The following DSCAM variants were observed in gnomAD, a reference collection of about 807,000 sequenced individuals.
DSCAM encodes the protein DS cell adhesion molecule.
A neutral mutation model predicts 217.7 loss-of-function variants in DSCAM; 47 were observed. That is an observed-to-expected ratio of 0.22 (90% confidence interval 0.17 to 0.28). The LOEUF is 0.28. Ranked by LOEUF, DSCAM falls within the 10% of genes least tolerant of loss-of-function variation. The pLI is 1.00. For missense variants in DSCAM, 2,080 were observed against 2,618.3 expected (o/e 0.79, Z 4.49); for synonymous variants, 1,056 against 1,015.3 (o/e 1.04, Z -0.76).
chr21:40,390,309 C>T (rs947603523), intron 3 of DSCAM, among the ~76,000 whole-genome samples: 2 of 152,182 alleles, frequency 1.3e-5, no homozygotes, highest in African/African-American at 4.8e-5. Context: ...TGTTAGACAG[C>T]AACCATTTTA....
chr21:40,663,701 G>T (rs751241292), intron 3 of DSCAM, among the ~76,000 whole-genome samples: 1 of 152,094 alleles, frequency 6.6e-6, no homozygotes, highest in East Asian at 1.9e-4. Context: ...TGTGTGCAAC[G>T]TGCCATGCTA....
chr21:40,274,848 A>G (rs185917042), intron 11 of DSCAM, among the ~76,000 whole-genome samples: 227 of 152,314 alleles, frequency 1.5e-3, no homozygotes, highest in Non-Finnish European at 2.7e-3. Context: ...GAAATAGTGG[A>G]CTAACTAAAA....
intron 15 of DSCAM, among the ~76,000 whole-genome samples, chr21:40,178,407 T>C (rs1345014362): frequency 2.6e-5 from 4 of 152,218 alleles, no homozygotes; most frequent in Non-Finnish European, 5.9e-5. Context: ...CTAAATATAA[T>C]GTTGTTTGTA....
At chr21:40,108,579 C>T (rs926613841) in intron 20 of DSCAM, among the ~76,000 whole-genome samples, 7 of 152,086 alleles carry the variant, frequency 4.6e-5, no homozygotes, top group Non-Finnish European at 5.9e-5. Flanking sequence ...ATACTACCCA[C>T]GCAACTTATA....
intron 10 of DSCAM, among the ~76,000 whole-genome samples, chr21:40,282,316 G>A (rs557121100): frequency 9.2e-5 from 14 of 152,074 alleles, no homozygotes; most frequent in African/African-American, 2.4e-4. Context: ...GGCCGGGCGC[G>A]GTGGCTCACG....
intron 4 of DSCAM, among the ~76,000 whole-genome samples, chr21:40,356,049 A>G (rs2074689070): frequency 1.3e-5 from 2 of 152,184 alleles, no homozygotes; most frequent in African/African-American, 4.8e-5. Flanking sequence ...ATGTATATCA[A>G]CACTTAAGTT....
At chr21:40,017,342 C>T (rs997668462) in intron 32 of DSCAM, among the ~76,000 whole-genome samples, 3 of 152,140 alleles carry the variant, frequency 2.0e-5, no homozygotes, top group African/African-American at 7.2e-5. Flanking sequence ...TGATTCAAAA[C>T]TCCATTTAGC....
At chr21:40,223,544 AC>A (rs1457442126) in intron 11 of DSCAM, among the ~76,000 whole-genome samples, 1 of 105,216 alleles carries the variant, frequency 9.5e-6, no homozygotes, top group Non-Finnish European at 1.9e-5. Context: ...AATCTAAGTT[AC>A]CTTTTTTTTC....
intron 3 of DSCAM, among the ~76,000 whole-genome samples, chr21:40,590,510 G>A (rs2076976508): frequency 6.6e-6 from 1 of 152,196 alleles, no homozygotes; most frequent in Non-Finnish European, 1.5e-5. Context: ...AAACAGCTCT[G>A]ACTTAATGGT....
At chr21:40,560,713 C>A (rs2076713840) in intron 3 of DSCAM, among the ~76,000 whole-genome samples, 1 of 152,238 alleles carries the variant, frequency 6.6e-6, no homozygotes, top group Admixed American at 6.5e-5. Context: ...CCAAAAAAAG[C>A]TGGCAACACA....
intron 9 of DSCAM, among the ~76,000 whole-genome samples, chr21:40,306,870 C>A (rs1388157170): frequency 1.3e-5 from 2 of 151,724 alleles, no homozygotes; most frequent in Non-Finnish European, 2.9e-5. Context: ...ATTTTTGCAT[C>A]AATGTTCATC....
intron 1 of DSCAM, among the ~76,000 whole-genome samples, chr21:40,813,888 A>G (rs2091859382): frequency 6.6e-6 from 1 of 151,652 alleles, no homozygotes; most frequent in Non-Finnish European, 1.5e-5. Context: ...CTAGTGATCC[A>G]CCCACCTCGG....
At chr21:40,434,331 G>A (rs1015017722) in intron 3 of DSCAM, among the ~76,000 whole-genome samples, 3 of 152,132 alleles carry the variant, frequency 2.0e-5, no homozygotes, top group Admixed American at 1.3e-4. Flanking sequence ...CGCCAACAAC[G>A]GCGTCAAACA....
chr21:40,346,895 C>T (rs1372452860), intron 6 of DSCAM, among the ~76,000 whole-genome samples: 1 of 152,164 alleles, frequency 6.6e-6, no homozygotes, highest in Non-Finnish European at 1.5e-5. Context: ...ATTGCCCCCA[C>T]CCCACCCAGC....
Position 40,508,843 on chromosome 21 carries a change from G to A in DSCAM, c.509-139598C>T, listed in dbSNP as rs375957365. On this transcript the variant is annotated intron_variant, in intron 3 of 32. Transcript: ENST00000400454. ...TATAGAGACAAGGTCTCTTTATGTT[G>A]CCCAGGCTGGTCTCAAACTTCTGGC... Among the ~76,000 whole-genome samples, 3 of 110,856 alleles carry A rather than the reference G, an allele frequency of 2.7e-5. No individual in the cohort carries two copies. The East Asian group carries it at 8.7e-4, about 32-fold the overall frequency. The allele number at this position is 110,856 out of a possible 152,430, so 72.7% of individuals were successfully genotyped here. A position where few individuals can be genotyped will look rare whatever the true frequency, so the allele number is the denominator to read the frequency against.
chr21:40,245,352 C>T (rs562508957), intron 11 of DSCAM, among the ~76,000 whole-genome samples: 8 of 152,260 alleles, frequency 5.3e-5, no homozygotes, highest in Middle Eastern at 3.4e-3. Context: ...GGCAAGTCCT[C>T]GTGTCTGGGA....
At chr21:40,728,578 C>T (rs1320733231) in intron 1 of DSCAM, among the ~76,000 whole-genome samples, 1 of 152,010 alleles carries the variant, frequency 6.6e-6, no homozygotes, top group African/African-American at 2.4e-5. Flanking sequence ...ACAACCACGC[C>T]CGGCTAATTT....
chr21:40,201,078 C>A (rs1382657504), intron 11 of DSCAM, among the ~76,000 whole-genome samples: 3 of 152,116 alleles, frequency 2.0e-5, no homozygotes, highest in Admixed American at 6.5e-5. Flanking sequence ...AGATTATAAC[C>A]GTTAATCAAA....
chr21:40,764,625 A>G (rs964977608), intron 1 of DSCAM, among the ~76,000 whole-genome samples: 4 of 152,258 alleles, frequency 2.6e-5, no homozygotes, highest in African/African-American at 9.6e-5. Flanking sequence ...ATTAGAAATC[A>G]TTCTACTATA....
Sources: gnomAD v4.1 joint callset for allele counts (sites outside exome capture counted in the v4.1 genomes callset) on GRCh38, gnomAD v4.1.1 for gene constraint, MANE v1.5 for transcripts, NCBI Gene and HGNC (gene_info 2026-07-23, HGNC 2026-07-21) for gene names.